The following TSNARE1 variants were observed in gnomAD, a reference collection of about 807,000 sequenced individuals.
The protein encoded by TSNARE1 is t-SNARE domain-containing protein 1.
In TSNARE1, 49 loss-of-function variants were observed where a neutral mutation model predicts 62.0. The ratio of observed to expected loss-of-function variants is 0.79; its 90% CI spans 0.63 to 1.00. The LOEUF is 1.00. Among genes scored for constraint, TSNARE1 ranks in the 50% least tolerant of loss-of-function variants. TSNARE1 has a pLI of 0.00. For missense variants in TSNARE1, 755 were observed against 700.1 expected (o/e 1.08, Z -0.88); for synonymous variants, 328 against 294.4 (o/e 1.11, Z -1.17).
At chr8:142,349,189 T>A (rs1833771340) in intron 2 of TSNARE1, among the ~76,000 whole-genome samples, 1 of 152,222 alleles carries the variant, frequency 6.6e-6, no homozygotes, top group Admixed American at 6.5e-5. Context: ...CAGATGTGTG[T>A]TCGGGTTTGA....
intron 1 of TSNARE1, among the ~76,000 whole-genome samples, chr8:142,388,446 C>A (rs945736520): frequency 6.8e-6 from 1 of 147,194 alleles, no homozygotes; most frequent in Non-Finnish European, 1.5e-5. Flanking sequence ...TAAGGTTAAC[C>A]ATCACTATTT....
At chr8:142,254,306 G>A (rs1818321201) in intron 12 of TSNARE1, among the ~76,000 whole-genome samples, 1 of 152,174 alleles carries the variant, frequency 6.6e-6, no homozygotes, top group Non-Finnish European at 1.5e-5. Context: ...CTGGCACGGA[G>A]GCCCTCCCCA....
At chr8:142,365,421 C>G (rs561476104) in intron 1 of TSNARE1, among the ~76,000 whole-genome samples, 2 of 152,360 alleles carry the variant, frequency 1.3e-5, no homozygotes, top group African/African-American at 4.8e-5. Context: ...CTCAAAAGGT[C>G]TGTCCTGTGA....
At chr8:142,236,202 A>C (rs1817412915) in intron 12 of TSNARE1, among the ~76,000 whole-genome samples, 1 of 152,048 alleles carries the variant, frequency 6.6e-6, no homozygotes, top group Admixed American at 6.5e-5. Context: ...CTCCCTCATG[A>C]AGACAAAAAT....
intron 1 of TSNARE1, among the ~76,000 whole-genome samples, chr8:142,363,242 C>T (rs1360982808): frequency 6.6e-6 from 1 of 152,158 alleles, no homozygotes; most frequent in Admixed American, 6.5e-5. Context: ...GTGAGGAAAG[C>T]GGGGAGCCTC....
chr8:142,368,853 T>C (rs1835738018), intron 1 of TSNARE1, among the ~76,000 whole-genome samples: 1 of 152,164 alleles, frequency 6.6e-6, no homozygotes, highest in African/African-American at 2.4e-5. Context: ...ACACCCACAG[T>C]GGCTAAGGAA....
At chr8:142,309,860 A>T (rs1445191289) in intron 9 of TSNARE1, among the ~76,000 whole-genome samples, 4 of 152,150 alleles carry the variant, frequency 2.6e-5, no homozygotes, top group Non-Finnish European at 5.9e-5. Flanking sequence ...TCACCCATAC[A>T]GCTATTGAGG....
chr8:142,323,897 A>T (rs1228317736), intron 6 of TSNARE1, among the ~76,000 whole-genome samples: 1 of 152,154 alleles, frequency 6.6e-6, no homozygotes, highest in Non-Finnish European at 1.5e-5. Flanking sequence ...GGGGAACAGC[A>T]GTGGATCCAG....
At chr8:142,286,582 A>G (rs1180396416) in intron 10 of TSNARE1, among the ~76,000 whole-genome samples, 1 of 152,186 alleles carries the variant, frequency 6.6e-6, no homozygotes, top group Non-Finnish European at 1.5e-5. Context: ...ACAGTGAACG[A>G]AAGGATGGGT....
intron 1 of TSNARE1, among the ~76,000 whole-genome samples, chr8:142,400,195 G>A (rs1838185194): frequency 1.3e-5 from 2 of 152,342 alleles, no homozygotes; most frequent in South Asian, 4.1e-4. Flanking sequence ...TGTAATCCCA[G>A]CACTTTGGGA....
At chr8:142,252,371 G>C (rs1450136714) in intron 12 of TSNARE1, among the ~76,000 whole-genome samples, 1 of 152,190 alleles carries the variant, frequency 6.6e-6, no homozygotes, top group African/African-American at 2.4e-5. Flanking sequence ...CACTGGCTGT[G>C]TGTCTCAGGC....
chr8:142,275,596 G>T (rs1302139180), intron 11 of TSNARE1: 36 of 985,312 alleles, frequency 3.7e-5, no homozygotes, highest in Non-Finnish European at 4.1e-5. Context: ...GGCACAGCCG[G>T]GGTCCTCAAC....
At chr8:142,260,602 C>T (rs534655000) in intron 12 of TSNARE1, among the ~76,000 whole-genome samples, 30 of 152,262 alleles carry the variant, frequency 2.0e-4, no homozygotes, top group Admixed American at 9.8e-4. Context: ...CCTTGAGCCC[C>T]GTTCCCCTGG....
chr8:142,270,528 G>T (rs1439922463), intron 12 of TSNARE1: 10 of 979,610 alleles, frequency 1.0e-5, no homozygotes, highest in Non-Finnish European at 1.2e-5. Flanking sequence ...CAGAAAATTG[G>T]ATAGAAATTA....
intron 10 of TSNARE1, among the ~76,000 whole-genome samples, chr8:142,290,349 C>T (rs1280942510): frequency 6.6e-6 from 1 of 152,146 alleles, no homozygotes; most frequent in Admixed American, 6.5e-5. Flanking sequence ...CGGGGAAGAC[C>T]CAGAACTTAG....
At position 142,319,642 on chromosome 8, in the gene TSNARE1, C is replaced by G. The variant is rs1432380603; in HGVS notation, c.894-1008G>C. On this transcript the variant is annotated intron_variant, in intron 6 of 13. Transcript: ENST00000524325. The surrounding 1 kb of genome is among the most constrained non-coding windows in gnomAD (Gnocchi z 4.9). Reference sequence around the variant, plus strand: ...GCCCCTGCAGGCCCCTCAGGCATCACCCAGGACCTGCACCAAGCAGGCCTT... The same window carrying G: ...GCCCCTGCAGGCCCCTCAGGCATCAGCCAGGACCTGCACCAAGCAGGCCTT... Among the ~76,000 whole-genome samples, 1 of 152,176 alleles carries G rather than the reference C, an allele frequency of 6.6e-6. No individual in the cohort carries two copies. The highest frequency in any genetic ancestry group is 1.5e-5 in the Non-Finnish European group (1 of 68,026).
intron 9 of TSNARE1, among the ~76,000 whole-genome samples, chr8:142,312,905 C>T (rs563976976): frequency 2.0e-5 from 3 of 152,360 alleles, no homozygotes; most frequent in East Asian, 3.9e-4. Context: ...TGATGATGAG[C>T]CTGAGTGATC....
At chr8:142,360,937 G>A (rs1157719352) in intron 1 of TSNARE1, among the ~76,000 whole-genome samples, 1 of 152,182 alleles carries the variant, frequency 6.6e-6, no homozygotes, top group African/African-American at 2.4e-5. Flanking sequence ...GAGGCAGGGG[G>A]CCAGGCCCCC....
intron 11 of TSNARE1, chr8:142,277,558 T>C (rs1050532901): frequency 2.0e-6 from 2 of 985,324 alleles, no homozygotes; most frequent in African/African-American, 1.7e-5. Context: ...GTCCTCAGGC[T>C]TGGCAGCCAC....
Sources: gnomAD v4.1 joint callset for allele counts (sites outside exome capture counted in the v4.1 genomes callset) on GRCh38, gnomAD v4.1.1 for gene constraint, Gnocchi (gnomAD v3.1) non-coding constraint, MANE v1.5 for transcripts, NCBI Gene and HGNC (gene_info 2026-07-23, HGNC 2026-07-21) for gene names.